The following ARHGAP15 variants were observed in gnomAD, a reference collection of about 807,000 sequenced individuals.
ARHGAP15 encodes Rho GTPase activating protein 15.
Under a neutral mutation model 63.7 loss-of-function variants are expected in ARHGAP15, and 51 were observed. The ratio of observed to expected loss-of-function variants is 0.80; its 90% CI spans 0.64 to 1.01. The LOEUF is 1.01. ARHGAP15 is among the 50% of genes least tolerant of loss of function. The probability of loss-of-function intolerance (pLI) is 0.00; values close to 1 mark genes in which losing one functional copy is unlikely to be tolerated. For missense variants in ARHGAP15, 560 were observed against 564.6 expected (o/e 0.99, Z 0.08); for synonymous variants, 191 against 193.8 (o/e 0.99, Z 0.12).
At chr2:143,730,167 A>G (rs372047794) in intron 13 of ARHGAP15, among the ~76,000 whole-genome samples, 4 of 152,360 alleles carry the variant, frequency 2.6e-5, no homozygotes, top group South Asian at 4.1e-4. Flanking sequence ...GACTGGGCAT[A>G]TACTAGAGTA....
intron 12 of ARHGAP15, among the ~76,000 whole-genome samples, chr2:143,642,255 G>A (rs866794550): frequency 2.2e-4 from 33 of 152,032 alleles, no homozygotes; most frequent in African/African-American, 7.7e-4. Flanking sequence ...TATATTTGTA[G>A]TGATTTTTTT....
intron 6 of ARHGAP15, among the ~76,000 whole-genome samples, chr2:143,275,959 T>G (rs1297618013): frequency 6.6e-6 from 1 of 152,226 alleles, no homozygotes; most frequent in African/African-American, 2.4e-5. Context: ...TAGGTACCTT[T>G]GGGCAGCTTT....
At position 143,737,042 on chromosome 2, in the gene ARHGAP15, CAAT is replaced by C. The variant is rs1345392458; in HGVS notation, c.1245-30941_1245-30939del. On this transcript the variant is annotated intron_variant, in intron 13 of 13. Transcript: ENST00000295095. ...AATATTTAATTAAATTACATAATTACAATAATAAGTACAACTGGCATAAACTTG... is the reference window on the plus strand; with the variant it reads ...AATATTTAATTAAATTACATAATTACAATAAGTACAACTGGCATAAACTTG... Among the ~76,000 whole-genome samples, 9 of 152,310 alleles carry C rather than the reference CAAT, an allele frequency of 5.9e-5. No individual in the cohort carries two copies. The East Asian group carries it at 1.2e-3, about 20-fold the overall frequency.
chr2:143,579,990 TTCAAAACA>T (rs1473335367), intron 11 of ARHGAP15, among the ~76,000 whole-genome samples: 1 of 94,898 alleles, frequency 1.1e-5, no homozygotes. Context: ...CAAATGTTTC[TTCAAAACA>T]TTTGTTTTAT....
At chr2:143,218,635 G>A (rs1692865999) in intron 4 of ARHGAP15, among the ~76,000 whole-genome samples, 1 of 151,998 alleles carries the variant, frequency 6.6e-6, no homozygotes, top group South Asian at 2.1e-4. Flanking sequence ...TTCAATGTTA[G>A]CTCTTGGGCA....
At chr2:143,755,381 T>C (rs1231776675) in intron 13 of ARHGAP15, among the ~76,000 whole-genome samples, 1 of 152,192 alleles carries the variant, frequency 6.6e-6, no homozygotes, top group Non-Finnish European at 1.5e-5. Flanking sequence ...TTTTCTGCAG[T>C]ACATGTAAAT....
At chr2:143,486,604 G>A (rs1197097656) in intron 8 of ARHGAP15, among the ~76,000 whole-genome samples, 1 of 152,000 alleles carries the variant, frequency 6.6e-6, no homozygotes, top group Non-Finnish European at 1.5e-5. Context: ...CATCTTGGAT[G>A]TGTTTAGACC....
chr2:143,538,685 T>C (rs1694895403), intron 10 of ARHGAP15, among the ~76,000 whole-genome samples: 1 of 152,200 alleles, frequency 6.6e-6, no homozygotes, highest in African/African-American at 2.4e-5. Context: ...ATTACGTTTA[T>C]TGATTTTCAT....
intron 6 of ARHGAP15, among the ~76,000 whole-genome samples, chr2:143,426,602 C>T (rs575667738): frequency 1.3e-5 from 2 of 152,196 alleles, no homozygotes; most frequent in East Asian, 1.9e-4. Flanking sequence ...GGCAAAGTGT[C>T]GGAAACAACA....
intron 11 of ARHGAP15, among the ~76,000 whole-genome samples, chr2:143,601,295 A>C (rs1047161233): frequency 2.6e-5 from 4 of 152,162 alleles, no homozygotes; most frequent in Non-Finnish European, 4.4e-5. Context: ...CAAAATCTTT[A>C]TCTTGCTTAA....
chr2:143,745,225 T>C (rs1034302462), intron 13 of ARHGAP15, among the ~76,000 whole-genome samples: 1 of 152,236 alleles, frequency 6.6e-6, no homozygotes, highest in African/African-American at 2.4e-5. Context: ...ATTACTTTTC[T>C]GCTGAATGGC....
At chr2:143,261,190 A>G (rs1680696796) in intron 6 of ARHGAP15, among the ~76,000 whole-genome samples, 1 of 152,050 alleles carries the variant, frequency 6.6e-6, no homozygotes, top group Non-Finnish European at 1.5e-5. Flanking sequence ...TCATTCATAT[A>G]CTGTAATGAA....
chr2:143,359,488 C>A (rs1685949561), intron 6 of ARHGAP15, among the ~76,000 whole-genome samples: 1 of 152,080 alleles, frequency 6.6e-6, no homozygotes, highest in Non-Finnish European at 1.5e-5. Context: ...CTCTTTGTGA[C>A]TCTTCTTCAG....
intron 10 of ARHGAP15, among the ~76,000 whole-genome samples, chr2:143,542,745 TG>T (rs1448506241): frequency 1.1e-5 from 1 of 90,858 alleles, no homozygotes; most frequent in East Asian, 2.1e-4. Context: ...AATATATATA[TG>T]ATATATATAA....
intron 10 of ARHGAP15, among the ~76,000 whole-genome samples, chr2:143,544,915 C>T (rs2105059065): frequency 6.6e-6 from 1 of 152,298 alleles, no homozygotes; most frequent in South Asian, 2.1e-4. Flanking sequence ...AAACAGTCAT[C>T]CTATTTGTGT....
In ARHGAP15 at chr2:143,184,208, G is replaced by T. The variant is rs1158424793; in HGVS notation, c.166-17926G>T. Among the ~76,000 whole-genome samples, 8 of 152,222 alleles carry T rather than the reference G, an allele frequency of 5.3e-5. No homozygotes were observed. In the South Asian group the frequency reaches 1.7e-3, roughly 31 times the overall value. ...AAGATTCTTGGTGAGGCAAAAGTCT[G>T]AAGGACAAGTGCCTTTAGCATCAAC... On this transcript the variant is annotated intron_variant, in intron 2 of 13. Transcript: ENST00000295095.
At chr2:143,629,236 T>A (rs1173749712) in intron 12 of ARHGAP15, among the ~76,000 whole-genome samples, 1 of 151,506 alleles carries the variant, frequency 6.6e-6, no homozygotes, top group Non-Finnish European at 1.5e-5. Context: ...ATTGCCATAG[T>A]AATCCCTTGT....
At chr2:143,385,292 G>A (rs1687229517) in intron 6 of ARHGAP15, among the ~76,000 whole-genome samples, 2 of 152,042 alleles carry the variant, frequency 1.3e-5, no homozygotes, top group African/African-American at 2.4e-5. Flanking sequence ...TAAATAGATG[G>A]GTAGAGAAGC....
At chr2:143,499,655 G>A (rs933732747) in intron 9 of ARHGAP15, among the ~76,000 whole-genome samples, 2 of 152,092 alleles carry the variant, frequency 1.3e-5, no homozygotes, top group Non-Finnish European at 2.9e-5. Flanking sequence ...CATTCCATAA[G>A]GTGGTAATTG....
Sources: allele counts gnomAD v4.1 joint callset (sites outside exome capture counted in the v4.1 genomes callset), GRCh38; gene constraint gnomAD v4.1.1; transcripts MANE v1.5; gene names NCBI Gene and HGNC (gene_info 2026-07-23, HGNC 2026-07-21).